Variants in HERC2 observed in about 807,000 individuals in gnomAD.
The protein encoded by HERC2 is HECT and RLD domain containing E3 ubiquitin protein ligase 2.
A neutral mutation model predicts 537.7 loss-of-function variants in HERC2; 102 were observed. That is an observed-to-expected ratio of 0.19 (90% CI 0.16 to 0.22). The LOEUF (loss-of-function observed/expected upper bound fraction) is 0.22, where lower values mean the gene tolerates loss of function less well. Ranked by LOEUF, HERC2 falls within the 10% of genes least tolerant of loss-of-function variation. HERC2 has a pLI of 1.00. For missense variants in HERC2, 4,236 were observed against 6,198.2 expected (o/e 0.68, Z 10.63); for synonymous variants, 2,224 against 2,466.2 (o/e 0.90, Z 2.91).
intron 69 of HERC2, among the ~76,000 whole-genome samples, chr15:28,159,876 G>A (rs1332566636): frequency 6.6e-6 from 1 of 152,112 alleles, no homozygotes; most frequent in African/African-American, 2.4e-5. Context: ...TCTACCTTTG[G>A]TCTTTGATGA....
intron 55 of HERC2, among the ~76,000 whole-genome samples, chr15:28,187,623 G>A (rs993095595): frequency 5.9e-5 from 9 of 152,126 alleles, no homozygotes; most frequent in African/African-American, 1.7e-4. Flanking sequence ...GTGAGCCACC[G>A]CGCCTGGCCA....
chr15:28,174,342 A>T, intron 65 of HERC2, 53 bp downstream of exon 65: 1 of 1,153,592 alleles, frequency 8.7e-7, no homozygotes, highest in South Asian at 1.4e-5. Context: ...TAAATCTATA[A>T]GGTTGCTGTA....
chr15:28,112,466 C>A (rs1887752949), intron 92 of HERC2, among the ~76,000 whole-genome samples: 1 of 152,210 alleles, frequency 6.6e-6, no homozygotes, highest in South Asian at 2.1e-4. Flanking sequence ...ACTATGCATG[C>A]TCTCCAAGGT....
chr15:28,147,395 G>T (rs1383861025), intron 70 of HERC2, among the ~76,000 whole-genome samples: 1 of 152,172 alleles, frequency 6.6e-6, no homozygotes, highest in Non-Finnish European at 1.5e-5. Flanking sequence ...TCGGGAGGCC[G>T]AGGCAGGCAG....
chr15:28,147,435 C>T (rs1001434346), intron 70 of HERC2, among the ~76,000 whole-genome samples: 1 of 151,708 alleles, frequency 6.6e-6, no homozygotes, highest in African/African-American at 2.4e-5. Flanking sequence ...TAAAGACAGG[C>T]CTGGACAACA....
rs750783974 is a variant in HERC2, at chr15:28,191,256, CA to C, written c.8452-13del. ...AAACGAATCCAGTGCTTTAGAAAAA[CA>C]AAAAAACCACATTCTCAGTTAGCAA... On this transcript the variant is annotated splice_polypyrimidine_tract_variant and intron_variant, in intron 53 of 92. Coordinates refer to ENST00000261609, the MANE Select transcript of HERC2 (RefSeq NM_004667.6). 5 of 1,563,330 alleles carry C rather than the reference CA, an allele frequency of 3.2e-6. No homozygotes were observed. The highest frequency in any genetic ancestry group is 1.8e-5 in the Admixed American group (1 of 55,900).
intron 30 of HERC2, 41 bp downstream of exon 30, chr15:28,233,105 C>G (rs1189040630): frequency 2.7e-6 from 4 of 1,506,622 alleles, no homozygotes; most frequent in Non-Finnish European, 3.7e-6. Flanking sequence ...CAGGGTGAAG[C>G]ACAAGCTTTA....
At chr15:28,244,434 G>C (rs145556849) in intron 23 of HERC2, among the ~76,000 whole-genome samples, 3 of 152,254 alleles carry the variant, frequency 2.0e-5, no homozygotes, top group Admixed American at 2.0e-4. Context: ...AAGTAAGGTG[G>C]CGATGACCAC....
intron 4 of HERC2, among the ~76,000 whole-genome samples, chr15:28,284,921 A>G (rs1445573601): frequency 4.6e-4 from 53 of 114,770 alleles, no homozygotes; most frequent in African/African-American, 1.9e-3. Context: ...CCGTCTCGGA[A>G]AAAAAAAAAA....
At chr15:28,272,129 C>G in intron 9 of HERC2, 86 bp downstream of exon 9, 1 of 1,231,426 alleles carries the variant, frequency 8.1e-7, no homozygotes, top group South Asian at 1.5e-5. Context: ...GAGAAAAACA[C>G]TGCCGTTGAC....
At position 28,279,813 on chromosome 15, in the gene HERC2, T is replaced by C. The variant is rs2075976527; in HGVS notation, c.542+255A>G. On this transcript the variant is annotated intron_variant, in intron 5 of 92. Transcript: ENST00000261609. ...GGGTGACAGAGCAAGACATTGTCTC[T>C]CCAAAAAAAAGAAAAGAAAAATTTT... is the stretch of plus-strand genomic sequence containing the variant. Among the ~76,000 whole-genome samples the C allele has an allele frequency of 3.3e-5, 5 of 151,128 alleles. No individual in the cohort carries two copies. In the South Asian group the frequency reaches 1.0e-3, roughly 32 times the overall value.
chr15:28,222,187 A>G lies in HERC2; in HGVS notation c.5493T>C (p.Asp1831=), dbSNP rs1900589899. ...IGPSCDNVEE[D]MNASAQGASA... ...AAGCACCTTGAGCAGAAGCATTCAT[A>G]TCTTCCTCAACGTTGTCACAACTGG... Residue 1831 remains aspartate, a synonymous_variant, in exon 36 of 93, where the codon GAT becomes GAC. Transcript: ENST00000261609. 1.3e-6 allele frequency: 2 copies of G among 1,593,462 alleles called. No individual in the cohort carries two copies. The highest frequency in any genetic ancestry group is 1.3e-5 in the African/African-American group (1 of 74,654).
rs753682551 is a variant in HERC2, at chr15:28,115,456, C to T, written c.13695G>A (p.Met4565Ile). 17 of 1,613,884 alleles carry T rather than the reference C, an allele frequency of 1.1e-5. No individual in the cohort carries two copies. Among genetic ancestry groups the T allele is most frequent in the Middle Eastern group, 1.6e-4 (1 of 6,082 alleles). Reference protein sequence around the residue: ...AEPVWKQLAGMSLTIADLSEV... With the variant: ...AEPVWKQLAGISLTIADLSEV... Reference sequence around the variant, plus strand: ...CACTGAGGTCCGCGATGGTGAGGCTCATCCCAGCCAGCTGCTTCCAGACAG... The same window carrying T: ...CACTGAGGTCCGCGATGGTGAGGCTTATCCCAGCCAGCTGCTTCCAGACAG... The change falls in exon 89 of 93, where the codon ATG becomes ATA. Residue 4565 changes from methionine (M) to isoleucine (I), a missense_variant. Around this residue, in one of 27 missense-constraint regions of HERC2, gnomAD observed 313 missense variants for 462.6 expected, o/e 0.68. Coordinates refer to ENST00000261609, the MANE Select transcript of HERC2 (RefSeq NM_004667.6).
At chr15:28,304,576 C>T (rs1451350697) in intron 2 of HERC2, among the ~76,000 whole-genome samples, 3 of 151,992 alleles carry the variant, frequency 2.0e-5, no homozygotes, top group Non-Finnish European at 4.4e-5. Flanking sequence ...CCGTGTTGGC[C>T]AGGCTTCAAA....
chr15:28,227,413 C>T (rs190607185), intron 35 of HERC2, among the ~76,000 whole-genome samples: 6 of 149,302 alleles, frequency 4.0e-5, no homozygotes, highest in East Asian at 3.9e-4. Context: ...AAATCAAAAT[C>T]ACAATGAGAC....
At chr15:28,231,973 C>T (rs543301667) in intron 30 of HERC2, among the ~76,000 whole-genome samples, 174 of 152,226 alleles carry the variant, frequency 1.1e-3, no homozygotes, top group African/African-American at 4.1e-3. Flanking sequence ...CTCCCTCATG[C>T]CGAGGCAGCC....
At chr15:28,274,883 C>T (rs369232963) in intron 6 of HERC2, 22 bp downstream of exon 6, 26 of 1,582,188 alleles carry the variant, frequency 1.6e-5, no homozygotes, top group South Asian at 2.2e-5. Flanking sequence ...AGCAGAACAA[C>T]GCGCCACACC....
At chr15:28,295,041 G>A (rs1204706350) in intron 3 of HERC2, among the ~76,000 whole-genome samples, 2 of 151,970 alleles carry the variant, frequency 1.3e-5, no homozygotes, top group African/African-American at 2.4e-5. Context: ...AGCCATTACA[G>A]AATTGCAAAT....
intron 65 of HERC2, among the ~76,000 whole-genome samples, chr15:28,172,402 A>G (rs1325455827): frequency 2.0e-5 from 3 of 152,226 alleles, no homozygotes; most frequent in African/African-American, 7.2e-5. Context: ...AATCAAGACA[A>G]TATGTCATTG....
Sources: allele counts gnomAD v4.1 joint callset (sites outside exome capture counted in the v4.1 genomes callset), GRCh38; gene constraint gnomAD v4.1.1; regional missense constraint gnomAD v4.1.1; transcripts MANE v1.5; gene names NCBI Gene and HGNC (gene_info 2026-07-23, HGNC 2026-07-21).